Variants in TNXB observed in about 807,000 individuals in gnomAD.
TNXB encodes tenascin XB, also known as tenascin-X.
Under a neutral mutation model 340.5 loss-of-function variants are expected in TNXB, and 183 were observed. The observed-to-expected ratio is 0.54, with a 90% CI of 0.48 to 0.61. The LOEUF (loss-of-function observed/expected upper bound fraction) is 0.61, where lower values mean the gene tolerates loss of function less well. TNXB is among the 20% of genes least tolerant of loss of function. The pLI, the probability that TNXB is intolerant of heterozygous loss-of-function variation, is 0.00. For synonymous variants in TNXB, 2,121 were observed against 2,314.5 expected (o/e 0.92, Z 2.40); for missense variants, 4,613 against 5,446.4 (o/e 0.85, Z 4.82).
At position 32,064,118 on chromosome 6, in the gene TNXB, C is replaced by T. The variant is rs1778186206; in HGVS notation, c.6841+703G>A. Reference sequence around the variant, plus strand: ...CTCTCATTGTGTGTGAGAGCCAAGCCACACTCCCGCCCACCCTTCACGACA... The same window carrying T: ...CTCTCATTGTGTGTGAGAGCCAAGCTACACTCCCGCCCACCCTTCACGACA... On this transcript the variant is annotated intron_variant, in intron 19 of 43. Coordinates refer to ENST00000644971, the MANE Select transcript of TNXB (RefSeq NM_001365276.2). The surrounding 1 kb of genome is among the most constrained non-coding windows in gnomAD (Gnocchi z 5.3). Among the ~76,000 whole-genome samples, 1 of 152,114 alleles carries T rather than the reference C, an allele frequency of 6.6e-6. No individual in the cohort carries two copies. The highest frequency in any genetic ancestry group is 2.4e-5 in the African/African-American group (1 of 41,392).
In TNXB at chr6:32,085,670, C is replaced by T; in HGVS notation, c.3148+80G>A. The T allele has an allele frequency of 7.0e-7, 1 of 1,434,396 alleles. No homozygotes were observed. Among genetic ancestry groups the T allele is most frequent in the Non-Finnish European group, 9.2e-7 (1 of 1,087,738 alleles). The allele number at this position is 1,434,396 out of a possible 1,614,324, so 88.9% of individuals were successfully genotyped here. ...TGCCCTTCACTGGCCCCTCAATATC[C>T]ATCCTACCTCTGAAGTCCCAATAAC... is the stretch of plus-strand genomic sequence containing the variant. On this transcript the variant is annotated intron_variant, in intron 7 of 43. Transcript: ENST00000644971. This position sits in a 1 kb window ranked among gnomAD's most constrained non-coding sequence, Gnocchi z 6.4.
Position 32,097,870 on chromosome 6 carries a change from AG to A in TNXB, c.328del (p.Leu110TrpfsTer5). The A allele has an allele frequency of 6.4e-7, 1 of 1,554,472 alleles. No homozygotes were observed. Among genetic ancestry groups the A allele is most frequent in the Non-Finnish European group, 8.7e-7 (1 of 1,144,292 alleles). On this transcript the variant is annotated frameshift_variant, in exon 2 of 44. Coordinates refer to ENST00000644971, the MANE Select transcript of TNXB (RefSeq NM_001365276.2). LOFTEE classifies it high-confidence loss of function. This position sits in a 1 kb window ranked among gnomAD's most constrained non-coding sequence, Gnocchi z 5.9. ...VQALRVRLEI[L>X]EELVKGLKEQ... is the part of the protein sequence containing the mutation. The stretch of plus-strand genomic sequence containing the variant: ...CTTGAGCCCCTTCACCAACTCCTCC[AG>A]GATCTCTAGACGGACCCTCAGGGCC...
rs781087189 is a variant in TNXB at position 32,061,439 on chromosome 6, C to T, written c.7450G>A (p.Glu2484Lys). 14 of 1,613,046 alleles carry T rather than the reference C, an allele frequency of 8.7e-6. No individual in the cohort carries two copies. Among genetic ancestry groups the T allele is most frequent in the East Asian group, 2.2e-5 (1 of 44,872 alleles). ...GACACCGGGCCCACGCGCCGCCCCT[C>T]GTGGAGGCCATACAGGTGCATCTTG... ...KYKMHLYGLH[E>K]GRRVGPVSTV... Residue 2484 changes from glutamate (E) to lysine (K), a missense_variant, in exon 21 of 44, where the codon GAG becomes AAG. Physicochemically the swap from Glu to Lys is moderately conservative, Grantham distance 56. Transcript: ENST00000644971. The surrounding 1 kb of genome is among the most constrained non-coding windows in gnomAD (Gnocchi z 4.4).
chr6:32,050,440 C>T (rs951970918), intron 26 of TNXB, 119 bp from the exon 27 acceptor site: 1 of 1,282,062 alleles, frequency 7.8e-7, no homozygotes, highest in African/African-American at 1.5e-5. Flanking sequence ...GCGCCTCCAG[C>T]ACAGCTCTTC....
intron 22 of TNXB, among the ~76,000 whole-genome samples, chr6:32,057,342 G>C (rs560870429): frequency 6.6e-6 from 1 of 152,262 alleles, no homozygotes; most frequent in South Asian, 2.1e-4. Context: ...AGCAGCCTCA[G>C]AGCATCTTTA....
intron 21 of TNXB, among the ~76,000 whole-genome samples, chr6:32,059,083 T>C (rs1777857283): frequency 6.6e-6 from 1 of 151,778 alleles, no homozygotes; most frequent in Non-Finnish European, 1.5e-5. Context: ...GCTTTCCACA[T>C]AATGTTGCTG....
chr6:32,056,399 T>C (rs1177816534), intron 23 of TNXB, among the ~76,000 whole-genome samples, 187 bp downstream of exon 23: 1 of 152,104 alleles, frequency 6.6e-6, no homozygotes, highest in Admixed American at 6.5e-5. Context: ...GCAGAACTCC[T>C]GATGGCCCCT....
At position 32,043,539 on chromosome 6, in the gene TNXB, G is replaced by T. The variant is rs4713498; in HGVS notation, c.11548C>A (p.Gln3850Lys). The change falls in exon 36 of 44, where the codon CAG becomes AAG. Residue 3850 changes from glutamine to lysine, a missense_variant. By Grantham distance (53) the Gln-to-Lys change is moderately conservative (BLOSUM62 1). Around this residue, in one of 7 missense-constraint regions of TNXB, gnomAD observed 114 missense variants for 104.5 expected, o/e 1.09. Coordinates refer to ENST00000644971, the MANE Select transcript of TNXB (RefSeq NM_001365276.2). ...FLTTVPDGPT[Q>K]LRALNLTEGF... ...TCGGTCAAGTTCAGTGCACGCAACTGTGTGGGACCGTCAGGAACTGGGGGA... is the reference window on the plus strand; with the variant it reads ...TCGGTCAAGTTCAGTGCACGCAACTTTGTGGGACCGTCAGGAACTGGGGGA... 0.066 allele frequency: 62,730 copies of T among 943,422 alleles called. 3,270 individuals are homozygous for T. The highest frequency in any genetic ancestry group is 0.2 in the East Asian group (8,078 of 40,180). The allele number at this position is 943,422 out of a possible 1,614,324, so 58.4% of individuals were successfully genotyped here.
At position 32,086,038 on chromosome 6, in the gene TNXB, G is replaced by C. The variant is rs969571718; in HGVS notation, c.2860C>G (p.Pro954Ala). Reference protein sequence around the residue: ...GPSTTQGAQAPLLQQRPQELG... With the variant: ...GPSTTQGAQAALLQQRPQELG... ...TCCTGGGGGCGCTGCTGCAGGAGAG[G>C]AGCCTGGGCCCCTTGCGTCGTCGAG... Residue 954 changes from proline (P) to alanine (A), a missense_variant, in exon 7 of 44, where the codon CCT becomes GCT. By Grantham distance (27) the Pro-to-Ala change is conservative. Around this residue, in one of 7 missense-constraint regions of TNXB, gnomAD observed 4,327 missense variants for 4,859.4 expected, o/e 0.89. Transcript: ENST00000644971. 1 of 1,604,616 alleles carries C rather than the reference G, an allele frequency of 6.2e-7. No individual in the cohort carries two copies. Among genetic ancestry groups the C allele is most frequent in the Non-Finnish European group, 8.5e-7 (1 of 1,177,392 alleles).
intron 4 of TNXB, chr6:32,093,316 A>G (rs1780163178): frequency 1.5e-6 from 1 of 684,784 alleles, no homozygotes; most frequent in African/African-American, 1.8e-5. Context: ...TCGTGATTAA[A>G]GTATTTTTAT....
intron 22 of TNXB, among the ~76,000 whole-genome samples, chr6:32,057,651 C>T (rs1186179013): frequency 6.6e-6 from 1 of 152,210 alleles, no homozygotes; most frequent in Non-Finnish European, 1.5e-5. Flanking sequence ...TAAAGGACAC[C>T]CCACTCAATC....
At chr6:32,086,436 C>CA (rs1285818060) in intron 6 of TNXB, among the ~76,000 whole-genome samples, 3 of 152,206 alleles carry the variant, frequency 2.0e-5, no homozygotes, top group Non-Finnish European at 4.4e-5. Flanking sequence ...ACATCCCCCC[C>CA]ACTGGGTGGT....
Position 32,052,442 on chromosome 6 carries a change from C to A in TNXB, c.9115+228G>T, listed in dbSNP as rs1777336733. ...CTCCAGCCTGGGTGACAAAGCGAGACTCTATCTCAAAAAAAAAAAAAAGAA... is the reference window on the plus strand; with the variant it reads ...CTCCAGCCTGGGTGACAAAGCGAGAATCTATCTCAAAAAAAAAAAAAAGAA... On this transcript the variant is annotated intron_variant, in intron 26 of 43. Coordinates refer to ENST00000644971, the MANE Select transcript of TNXB (RefSeq NM_001365276.2). The surrounding 1 kb of genome is among the most constrained non-coding windows in gnomAD (Gnocchi z 4.7). Among the ~76,000 whole-genome samples the A allele has an allele frequency of 6.7e-6, 1 of 149,562 alleles. No homozygotes were observed. The highest frequency in any genetic ancestry group is 1.5e-5 in the Non-Finnish European group (1 of 67,516).
intron 22 of TNXB, among the ~76,000 whole-genome samples, 182 bp downstream of exon 22, chr6:32,057,876 C>T (rs1475957907): frequency 6.6e-6 from 1 of 152,206 alleles, no homozygotes; most frequent in Non-Finnish European, 1.5e-5. Context: ...ATCACATGCT[C>T]ACCCGCCTTT....
intron 1 of TNXB, 44 bp from the exon 2 acceptor site, chr6:32,098,250 G>A: frequency 2.8e-6 from 4 of 1,421,562 alleles, no homozygotes; most frequent in Non-Finnish European, 3.7e-6. Context: ...TCAAAAAGGA[G>A]ACAAAATGAA....
Position 32,067,928 on chromosome 6 carries a change from C to T in TNXB, c.6277G>A (p.Ala2093Thr), listed in dbSNP as rs768829550. 9.3e-6 allele frequency: 15 copies of T among 1,612,394 alleles called. No homozygotes were observed. Among genetic ancestry groups the T allele is most frequent in the African/African-American group, 4.0e-5 (3 of 74,874 alleles). The change falls in exon 18 of 44, where the codon GCT (alanine) becomes ACT (threonine). Residue 2093 changes from alanine to threonine, a missense_variant. Coordinates refer to ENST00000644971, the MANE Select transcript of TNXB (RefSeq NM_001365276.2). The surrounding 1 kb of genome is among the most constrained non-coding windows in gnomAD (Gnocchi z 4.2). The part of the protein sequence containing the change: ...TEPSMEAPEP[A>T]EEPLLGELTV... ...AGCTCCCCCAGGAGCGGCTCCTCAG[C>T]GGGCTCCGGGGCCTCCATGCTGGGT...
chr6:32,067,302 A>C lies in TNXB; in HGVS notation c.6544+359T>G, dbSNP rs958132234. Among the ~76,000 whole-genome samples the C allele has an allele frequency of 6.6e-6, 1 of 152,218 alleles. No homozygotes were observed. The highest frequency in any genetic ancestry group is 2.4e-5 in the African/African-American group (1 of 41,452). ...GGTCTTTGTACTATTCTTTCTGTTT[A>C]TACATTTGAAATTTTATTTAACAAA... On this transcript the variant is annotated intron_variant, in intron 18 of 43. Coordinates refer to ENST00000644971, the MANE Select transcript of TNXB (RefSeq NM_001365276.2). The surrounding 1 kb of genome is among the most constrained non-coding windows in gnomAD (Gnocchi z 4.2).
In TNXB at chr6:32,096,570, G is replaced by T; in HGVS notation, c.1283C>A (p.Thr428Asn). 2 of 1,587,278 alleles carry T rather than the reference G, an allele frequency of 1.3e-6. No homozygotes were observed. The highest frequency in any genetic ancestry group is 1.1e-5 in the South Asian group (1 of 88,694). Residue 428 changes from threonine to asparagine, a missense_variant, in exon 3 of 44, where the codon ACC becomes AAC. Transcript: ENST00000644971. ...RCVCWPGYTGTDCGSRACPRD... is the reference protein window; with the variant it reads ...RCVCWPGYTGNDCGSRACPRD... The stretch of plus-strand genomic sequence containing the variant: ...TGGGCAGGCGCGCGAGCCGCAATCG[G>T]TTCCAGTGTACCCCGGCCAGCACAC...
Position 32,072,223 on chromosome 6 carries a change from G to T in TNXB, c.4757C>A (p.Thr1586Lys), listed in dbSNP as rs745343270. Residue 1586 changes from threonine (T) to lysine (K), a missense_variant, in exon 13 of 44, where the codon ACG (threonine) becomes AAG (lysine). Coordinates refer to ENST00000644971, the MANE Select transcript of TNXB (RefSeq NM_001365276.2). This position sits in a 1 kb window ranked among gnomAD's most constrained non-coding sequence, Gnocchi z 4.4. Reference protein sequence around the residue: ...LEPRLGELTVTDITPDSVGLS... With the variant: ...LEPRLGELTVKDITPDSVGLS... ...GCCCACAGAGTCAGGGGTTATATCC[G>T]TCACTGTCAGCTCCCCTAGGCGTGG... is the stretch of plus-strand genomic sequence containing the variant. 6.2e-7 allele frequency: 1 copy of T among 1,611,252 alleles called. No individual in the cohort carries two copies. The highest frequency in any genetic ancestry group is 8.5e-7 in the Non-Finnish European group (1 of 1,179,004).
Sources: allele counts gnomAD v4.1 joint callset (sites outside exome capture counted in the v4.1 genomes callset), GRCh38; gene constraint gnomAD v4.1.1; regional missense constraint gnomAD v4.1.1; non-coding constraint Gnocchi (gnomAD v3.1); transcripts MANE v1.5; gene names NCBI Gene and HGNC (gene_info 2026-07-23, HGNC 2026-07-21).